The following UEVLD variants were observed in gnomAD, a reference collection of about 807,000 sequenced individuals.
UEVLD encodes the protein UEV and lactate/malate dehyrogenase domains, also known as ubiquitin-conjugating enzyme E2 variant 3.
Under a neutral mutation model 58.6 loss-of-function variants are expected in UEVLD, and 47 were observed. That is an observed-to-expected ratio of 0.80 (90% CI 0.63 to 1.02). The LOEUF (loss-of-function observed/expected upper bound fraction) is 1.02, where lower values mean the gene tolerates loss of function less well. UEVLD is among the 50% of genes least tolerant of loss of function. The probability of loss-of-function intolerance (pLI) is 0.00; values close to 1 mark genes in which losing one functional copy is unlikely to be tolerated. For synonymous variants in UEVLD, 197 were observed against 195.3 expected (o/e 1.01, Z -0.07); for missense variants, 510 against 550.6 (o/e 0.93, Z 0.74).
chr11:18,558,762 G>T (rs908311877), intron 6 of UEVLD, among the ~76,000 whole-genome samples: 1 of 149,308 alleles, frequency 6.7e-6, no homozygotes, highest in Non-Finnish European at 1.5e-5. Context: ...CAGCCTGGGC[G>T]ATAGAGCGAG....
Position 18,540,041 on chromosome 11 carries a change from A to C in UEVLD, c.1061-3572T>G, listed in dbSNP as rs1850989481. 2.0e-5 allele frequency among the ~76,000 whole-genome samples: 3 copies of C among 152,166 alleles called. No homozygotes were observed. In the South Asian group the frequency reaches 6.2e-4, roughly 32 times the overall value. ...TCTATTCATCACCATCTTGCCAATC[A>C]CTGTAATAATAGCTACCATTTGCTG... On this transcript the variant is annotated intron_variant, in intron 9 of 11. Coordinates refer to ENST00000396197, the MANE Select transcript of UEVLD (RefSeq NM_001040697.4).
At chr11:18,569,231 T>G (rs1852465598) in intron 4 of UEVLD, among the ~76,000 whole-genome samples, 1 of 152,140 alleles carries the variant, frequency 6.6e-6, no homozygotes, top group African/African-American at 2.4e-5. Flanking sequence ...TTTATACAGA[T>G]TTTTAATTAT....
intron 3 of UEVLD, among the ~76,000 whole-genome samples, chr11:18,573,205 A>G (rs148025118): frequency 6.6e-6 from 1 of 152,346 alleles, no homozygotes; most frequent in East Asian, 1.9e-4. Context: ...TTCTGCCCTC[A>G]TGTTACCGCC....
Position 18,560,090 on chromosome 11 carries a change from TACACACACACACACACACACAC to T in UEVLD, c.613-1782_613-1761del, listed in dbSNP as rs71050609. Among the ~76,000 whole-genome samples, 73 of 76,178 alleles carry T rather than the reference TACACACACACACACACACACAC, an allele frequency of 9.6e-4. 1 individual carries two copies. Among genetic ancestry groups the T allele is most frequent in the East Asian group, 9.5e-3 (22 of 2,324 alleles). 50.0% of individuals were successfully genotyped at this position (76,178 alleles called of 152,430 possible). A position where few individuals can be genotyped will look rare whatever the true frequency, so the allele number is the denominator to read the frequency against. On this transcript the variant is annotated intron_variant, in intron 6 of 11. Transcript: ENST00000396197. ...GGGCAACATGGCAAAACCCCGTCTC[TACACACACACACACACACACAC>T]ACACACACACACACACACACACACA...
chr11:18,537,268 A>T (rs933900052), intron 9 of UEVLD, among the ~76,000 whole-genome samples: 1 of 150,942 alleles, frequency 6.6e-6, no homozygotes, highest in African/African-American at 2.4e-5. Context: ...TTACAAAAAC[A>T]ATTCAAAACT....
intron 9 of UEVLD, among the ~76,000 whole-genome samples, chr11:18,538,429 T>G (rs1850907686): frequency 6.6e-6 from 1 of 151,646 alleles, no homozygotes; most frequent in Admixed American, 6.6e-5. Context: ...GGTGTGCGCC[T>G]CAGACTCCCA....
At chr11:18,564,672 G>A (rs932128245) in intron 6 of UEVLD, among the ~76,000 whole-genome samples, 2 of 152,146 alleles carry the variant, frequency 1.3e-5, no homozygotes, top group African/African-American at 4.8e-5. Context: ...CCTTGGATGA[G>A]GATAAGCCCA....
At chr11:18,579,875 C>A (rs1171441839) in intron 1 of UEVLD, among the ~76,000 whole-genome samples, 1 of 151,886 alleles carries the variant, frequency 6.6e-6, no homozygotes, top group Non-Finnish European at 1.5e-5. Context: ...TAACAAGGTA[C>A]AATACTTAGA....
intron 4 of UEVLD, among the ~76,000 whole-genome samples, chr11:18,568,707 T>C (rs1852422792): frequency 6.6e-6 from 1 of 152,188 alleles, no homozygotes; most frequent in African/African-American, 2.4e-5. Context: ...TTTTTTCTTC[T>C]TTTTAAATGT....
chr11:18,542,897 T>C (rs1359441439), intron 9 of UEVLD, among the ~76,000 whole-genome samples: 1 of 147,714 alleles, frequency 6.8e-6, no homozygotes, highest in African/African-American at 2.5e-5. Flanking sequence ...TTTCTTTTTT[T>C]TTTTTTTTTC....
At chr11:18,532,608 T>A (rs1212302793) in intron 11 of UEVLD, 121 bp from the exon 12 acceptor site, 3 of 787,196 alleles carry the variant, frequency 3.8e-6, no homozygotes, top group East Asian at 3.2e-5. Flanking sequence ...CTTAAAAAAA[T>A]TTTTTTGTTC....
intron 4 of UEVLD, among the ~76,000 whole-genome samples, chr11:18,567,729 C>T (rs1326636876): frequency 6.6e-6 from 1 of 152,206 alleles, no homozygotes. Context: ...CCTCTAGATT[C>T]CTTCTAGCTC....
intron 11 of UEVLD, among the ~76,000 whole-genome samples, chr11:18,533,702 T>A (rs999140918): frequency 1.3e-5 from 2 of 152,206 alleles, no homozygotes; most frequent in African/African-American, 4.8e-5. Flanking sequence ...TTTTTTTGTT[T>A]GTTTGTTTTC....
intron 4 of UEVLD, 103 bp downstream of exon 4, chr11:18,570,111 T>C (rs1333493943): frequency 2.5e-6 from 3 of 1,215,274 alleles, no homozygotes; most frequent in East Asian, 2.6e-5. Context: ...AAGAATATCA[T>C]TGAAAGAAAA....
intron 7 of UEVLD, among the ~76,000 whole-genome samples, chr11:18,553,154 C>CAAAAAA (rs34297128): frequency 4.9e-5 from 4 of 81,578 alleles, no homozygotes; most frequent in African/African-American, 4.8e-5. Context: ...GGTTCCGTCT[C>CAAAAAA]AAAAAAAAAA....
Position 18,577,279 on chromosome 11 carries a change from A to G in UEVLD, c.127+1445T>C, listed in dbSNP as rs574116673. ...AAAAAAACATTATCGCATGTAACAA[A>G]ATCAGTTATAGTCACTTTTAGAACC... is the stretch of plus-strand genomic sequence containing the variant. On this transcript the variant is annotated intron_variant, in intron 2 of 11. Coordinates refer to ENST00000396197, the MANE Select transcript of UEVLD (RefSeq NM_001040697.4). 1.1e-4 allele frequency among the ~76,000 whole-genome samples: 16 copies of G among 152,338 alleles called. No homozygotes were observed. In the South Asian group the frequency reaches 3.3e-3, roughly 32 times the overall value.
At chr11:18,576,418 C>T (rs1166860748) in intron 2 of UEVLD, among the ~76,000 whole-genome samples, 2 of 151,602 alleles carry the variant, frequency 1.3e-5, no homozygotes, top group African/African-American at 4.8e-5. Flanking sequence ...CCCAGCTGCT[C>T]GGGAGGCTGA....
At chr11:18,545,734 C>T (rs1375613189) in intron 8 of UEVLD, among the ~76,000 whole-genome samples, 4 of 152,132 alleles carry the variant, frequency 2.6e-5, no homozygotes, top group Non-Finnish European at 4.4e-5. Flanking sequence ...CGTGAGCCAC[C>T]GTGCCTGGTC....
At chr11:18,562,559 A>T (rs191169368) in intron 6 of UEVLD, among the ~76,000 whole-genome samples, 1,893 of 150,570 alleles carry the variant, frequency 0.013, 33 homozygotes, top group African/African-American at 0.026. Flanking sequence ...AAAAAAAAAA[A>T]TTTTTTTTGT....
Sources: gnomAD v4.1 joint callset for allele counts (sites outside exome capture counted in the v4.1 genomes callset) on GRCh38, gnomAD v4.1.1 for gene constraint, MANE v1.5 for transcripts, NCBI Gene and HGNC (gene_info 2026-07-23, HGNC 2026-07-21) for gene names.